SPC24: variants seen among roughly 807,000 people sequenced by gnomAD.
SPC24 encodes SPC24 component of NDC80 kinetochore complex, also known as kinetochore protein Spc24.
Under a neutral mutation model 27.6 loss-of-function variants are expected in SPC24, and 31 were observed. The observed-to-expected ratio is 1.12, with a 90% CI of 0.84 to 1.52. The LOEUF (loss-of-function observed/expected upper bound fraction) is 1.52. Among genes scored for constraint, SPC24 ranks in the 40% most tolerant of loss-of-function variants. SPC24 has a pLI of 0.00. For synonymous variants in SPC24, 105 were observed against 105.8 expected, an observed-to-expected ratio of 0.99 and a Z score of 0.05; for missense variants, 284 against 252.5, an observed-to-expected ratio of 1.12 and a Z score of -0.84.
At chr19:11,151,630 G>A (rs1411970300) in intron 1 of SPC24, among the ~76,000 whole-genome samples, 2 of 143,706 alleles carry the variant, frequency 1.4e-5, no homozygotes, top group Non-Finnish European at 3.0e-5. Flanking sequence ...GGGGGGGGGG[G>A]ATGGAGTCTT....
At chr19:11,148,436 G>T (rs991872950) in intron 2 of SPC24, among the ~76,000 whole-genome samples, 2 of 152,068 alleles carry the variant, frequency 1.3e-5, no homozygotes, top group Admixed American at 1.3e-4. Context: ...TCAAACTCCT[G>T]ACCTCAACTG....
chr19:11,151,353 C>T (rs530830624), intron 1 of SPC24, among the ~76,000 whole-genome samples: 1 of 152,114 alleles, frequency 6.6e-6, no homozygotes, highest in Admixed American at 6.6e-5. Flanking sequence ...TTCTCTGGCA[C>T]TGGCCTCCAC....
At chr19:11,150,858 C>CA (rs1306991117) in intron 1 of SPC24, among the ~76,000 whole-genome samples, 1 of 150,764 alleles carries the variant, frequency 6.6e-6, no homozygotes, top group Non-Finnish European at 1.5e-5. Context: ...CCTGCCAACT[C>CA]AGAGAATGCA....
intron 1 of SPC24, 51 bp from the exon 2 acceptor site, chr19:11,149,289 G>A: frequency 2.8e-6 from 4 of 1,403,570 alleles, no homozygotes; most frequent in Non-Finnish European, 3.7e-6. Context: ...TCCCCAAGGA[G>A]AGCAGAGAGA....
At chr19:11,152,717 C>G (rs1236225155) in intron 1 of SPC24, among the ~76,000 whole-genome samples, 8 of 151,920 alleles carry the variant, frequency 5.3e-5, no homozygotes, top group African/African-American at 9.7e-5. Flanking sequence ...CCAGGCTGGC[C>G]GAGTCACATC....
chr19:11,148,352 C>A (rs377608727), intron 2 of SPC24, among the ~76,000 whole-genome samples: 1 of 152,128 alleles, frequency 6.6e-6, no homozygotes, highest in African/African-American at 2.4e-5. Flanking sequence ...GGATTACAAG[C>A]ACACACCACC....
chr19:11,151,415 A>G (rs1037969263), intron 1 of SPC24, among the ~76,000 whole-genome samples: 1 of 151,982 alleles, frequency 6.6e-6, no homozygotes, highest in Non-Finnish European at 1.5e-5. Flanking sequence ...TCTGGTTCGG[A>G]TGGGGCCTGC....
At chr19:11,149,431 C>T in intron 1 of SPC24, 193 bp from the exon 2 acceptor site, 5 of 434,588 alleles carry the variant, frequency 1.2e-5, no homozygotes, top group Non-Finnish European at 2.0e-5. Context: ...AAAATAAAGC[C>T]TCGTCCTTCA....
At position 11,155,600 on chromosome 19, in the gene SPC24, C is replaced by T. The variant is rs1239316457; in HGVS notation, c.160+17G>A. Reference sequence around the variant, plus strand: ...GCCCCTTCCCCCGTGGGCCCGCGACCACGCTCCGACCCTCACCTCGCAGCT... The same window carrying T: ...GCCCCTTCCCCCGTGGGCCCGCGACTACGCTCCGACCCTCACCTCGCAGCT... On this transcript the variant is annotated intron_variant, in intron 1 of 4. Coordinates refer to ENST00000592540, the MANE Select transcript of SPC24 (RefSeq NM_182513.4). 3 of 1,535,244 alleles carry T rather than the reference C, an allele frequency of 2.0e-6. No individual in the cohort carries two copies. The highest frequency in any genetic ancestry group is 2.6e-6 in the Non-Finnish European group (3 of 1,146,350).
chr19:11,150,391 C>T (rs781306353), intron 1 of SPC24, among the ~76,000 whole-genome samples: 8 of 151,292 alleles, frequency 5.3e-5, no homozygotes, highest in African/African-American at 1.5e-4. Context: ...GAGGCCAAGG[C>T]GGGACAATCA....
chr19:11,150,178 T>C (rs1600788995), intron 1 of SPC24, among the ~76,000 whole-genome samples: 12 of 70,686 alleles, frequency 1.7e-4, no homozygotes, highest in Admixed American at 6.1e-4. Context: ...CTGAGGAAAC[T>C]CCATCTCAAA....
At chr19:11,148,274 C>T (rs1458703477) in intron 2 of SPC24, among the ~76,000 whole-genome samples, 157 bp from the exon 3 acceptor site, 2 of 152,168 alleles carry the variant, frequency 1.3e-5, no homozygotes, top group Non-Finnish European at 1.5e-5. Context: ...GTGGCACGAC[C>T]TCAGCTCACT....
chr19:11,155,714 G>T lies in SPC24; in HGVS notation c.63C>A (p.Asn21Lys), dbSNP rs2077906386. ...SQGLLSLLGANRAEAQQRRLL... is the reference protein window; with the variant it reads ...SQGLLSLLGAKRAEAQQRRLL... ...GCCGTCGCTGCTGCGCCTCCGCGCG[G>T]TTGGCGCCCAGCAGGCTGAGCAGCC... The change falls in exon 1 of 5, where the codon AAC becomes AAA. Residue 21 changes from asparagine (N) to lysine (K), a missense_variant. Physicochemically the swap from Asn to Lys is moderately conservative, Grantham distance 94 (BLOSUM62 0). Coordinates refer to ENST00000592540, the MANE Select transcript of SPC24 (RefSeq NM_182513.4). 2 of 1,575,858 alleles carry T rather than the reference G, an allele frequency of 1.3e-6. No individual in the cohort carries two copies. The highest frequency in any genetic ancestry group is 1.7e-6 in the Non-Finnish European group (2 of 1,169,048).
At chr19:11,151,622 G>A (rs28447100) in intron 1 of SPC24, among the ~76,000 whole-genome samples, 19 of 101,334 alleles carry the variant, frequency 1.9e-4, no homozygotes, top group African/African-American at 4.9e-4. Context: ...TTTTTTTTGG[G>A]GGGGGGGGAT....
rs2077822002 is a variant in SPC24 at position 11,146,226 on chromosome 19, G to C, written c.*957C>G. On this transcript the variant is annotated 3_prime_UTR_variant, in exon 5 of 5. Transcript: ENST00000592540. The stretch of plus-strand genomic sequence containing the variant: ...AGGAGAACCATGTCACTCGTATCTT[G>C]TCTCTCTGGTGCCTAGCAGAGTCTG... 1 of 151,762 alleles carries C rather than the reference G, an allele frequency of 6.6e-6. No individual in the cohort carries two copies. Among genetic ancestry groups the C allele is most frequent in the Admixed American group, 6.6e-5 (1 of 15,128 alleles). 9.4% of individuals were successfully genotyped at this position (151,762 alleles called of 1,614,324 possible).
In SPC24 at chr19:11,147,232, C is replaced by T; in HGVS notation, c.545G>A (p.Arg182Lys). Residue 182 changes from arginine to lysine, a missense_variant, in exon 5 of 5, where the codon AGG (arginine) becomes AAG (lysine). Physicochemically the swap from Arg to Lys is conservative, Grantham distance 26 (BLOSUM62 2). Coordinates refer to ENST00000592540, the MANE Select transcript of SPC24 (RefSeq NM_182513.4). ...PIHLDSTQLS[R>K]KFISDYLWSL... is the part of the protein sequence containing the mutation. ...CCAGAGGTAGTCGCTGATGAATTTC[C>T]TGGAGAGCTGGGTGCTGTCCAGGTG... 1 of 1,563,208 alleles carries T rather than the reference C, an allele frequency of 6.4e-7. No individual in the cohort carries two copies. The highest frequency in any genetic ancestry group is 1.4e-5 in the African/African-American group (1 of 73,846).
At chr19:11,151,651 C>T (rs1056903573) in intron 1 of SPC24, among the ~76,000 whole-genome samples, 3 of 152,048 alleles carry the variant, frequency 2.0e-5, no homozygotes, top group Non-Finnish European at 4.4e-5. Flanking sequence ...GCCCTGTCAT[C>T]CAGGCTGGAG....
At chr19:11,149,865 G>A (rs998074414) in intron 1 of SPC24, among the ~76,000 whole-genome samples, 2 of 149,622 alleles carry the variant, frequency 1.3e-5, no homozygotes, top group Non-Finnish European at 3.0e-5. Flanking sequence ...CGCCTGCCAC[G>A]ACACCCAGCT....
chr19:11,153,018 T>C lies in SPC24; in HGVS notation c.160+2599A>G, dbSNP rs182490373. 4.3e-3 allele frequency among the ~76,000 whole-genome samples: 630 copies of C among 148,112 alleles called. 4 individuals are homozygous for C. The highest frequency in any genetic ancestry group is 4.8e-3 in the Non-Finnish European group (324 of 67,952). ...TCAAGGCTCAGCCCAGGCCTCCTCA[T>C]AAAATGTGACTGTATAAGGCACCTG... On this transcript the variant is annotated intron_variant, in intron 1 of 4. Coordinates refer to ENST00000592540, the MANE Select transcript of SPC24 (RefSeq NM_182513.4).
Sources: allele counts gnomAD v4.1 joint callset (sites outside exome capture counted in the v4.1 genomes callset), GRCh38; gene constraint gnomAD v4.1.1; transcripts MANE v1.5; gene names NCBI Gene and HGNC (gene_info 2026-07-23, HGNC 2026-07-21).